DAPK3: variants seen among roughly 807,000 people sequenced by gnomAD.
DAPK3 encodes death-associated protein kinase 3.
DAPK3 carries 24 observed loss-of-function variants against 30.6 expected under a neutral mutation model. The ratio of observed to expected loss-of-function variants is 0.78; its 90% CI spans 0.57 to 1.10. DAPK3 has a LOEUF of 1.10. DAPK3 is among the 50% of genes least tolerant of loss of function. The pLI is 0.00. For missense variants in DAPK3, 629 were observed against 657.3 expected, an observed-to-expected ratio of 0.96 and a Z score of 0.47; for synonymous variants, 341 against 284.0, an observed-to-expected ratio of 1.20 and a Z score of -2.02.
At chr19:3,970,844 TG>T in intron 1 of DAPK3, 76 bp downstream of exon 1, 1 of 152,728 alleles carries the variant, frequency 6.5e-6, no homozygotes, top group Non-Finnish European at 1.5e-5. Context: ...CCAGCATCCC[TG>T]GGGCCGCTAC....
Position 3,961,146 on chromosome 19 carries a change from G to T in DAPK3, c.645C>A (p.Ser215=). The T allele has an allele frequency of 1.2e-6, 2 of 1,612,894 alleles. No individual in the cohort carries two copies. Among genetic ancestry groups the T allele is most frequent in the Non-Finnish European group, 1.7e-6 (2 of 1,179,676 alleles). ...CCTGCTTGGTCTCGCCCAGGAACGG[G>T]GATGCACCGCTCAGGCTGCGAGACA... The part of the protein sequence containing the change: ...VITYILLSGA[S]PFLGETKQET... The change falls in exon 7 of 9, where the codon TCC becomes TCA. Residue 215 remains serine, a synonymous_variant. Coordinates refer to ENST00000545797, the MANE Select transcript of DAPK3 (RefSeq NM_001348.3).
intron 1 of DAPK3, among the ~76,000 whole-genome samples, chr19:3,970,249 C>T (rs1374595963): frequency 6.6e-6 from 1 of 152,154 alleles, no homozygotes; most frequent in Admixed American, 6.6e-5. Flanking sequence ...GTTCTCAAGT[C>T]TACTTCTTTT....
chr19:3,960,068 G>A lies in DAPK3; in HGVS notation c.819C>T (p.Ser273=), dbSNP rs777697085. 1.9e-6 allele frequency: 3 copies of A among 1,562,972 alleles called. No individual in the cohort carries two copies. Among genetic ancestry groups the A allele is most frequent in the Non-Finnish European group, 2.6e-6 (3 of 1,133,842 alleles). The change falls in exon 8 of 9, where the codon TCC becomes TCT. Residue 273 remains serine, a synonymous_variant. Transcript: ENST00000545797. ...CCACCTCCCCACTTACCTTAATCCA[G>A]GAATGTTCCAGGCTCTGGGCAATGG... is the stretch of plus-strand genomic sequence containing the variant. ...RMTIAQSLEH[S]WIKAIRRRNV... is the part of the protein sequence containing the mutation.
In DAPK3 at chr19:3,959,566, C is replaced by T. The variant is rs1354633913; in HGVS notation, c.900G>A (p.Thr300=). ...ACTTGATGGTGTACTCCTTCAGACGCGTGGTCTTCAGGCGCCGCCGCTCGG... is the reference window on the plus strand; with the variant it reads ...ACTTGATGGTGTACTCCTTCAGACGTGTGGTCTTCAGGCGCCGCCGCTCGG... ...RKPERRRLKT[T]RLKEYTIKSH... Residue 300 remains threonine, a synonymous_variant, in exon 9 of 9, where the codon ACG becomes ACA. Coordinates refer to ENST00000545797, the MANE Select transcript of DAPK3 (RefSeq NM_001348.3). 2 of 1,582,878 alleles carry T rather than the reference C, an allele frequency of 1.3e-6. No individual in the cohort carries two copies. Among genetic ancestry groups the T allele is most frequent in the African/African-American group, 1.3e-5 (1 of 74,822 alleles).
chr19:3,961,439 C>T (rs767027646), intron 6 of DAPK3: 4 of 588,048 alleles, frequency 6.8e-6, no homozygotes, highest in South Asian at 1.4e-5. Flanking sequence ...ACGCAGAGCC[C>T]GAAAGCCCCC....
chr19:3,968,123 T>C (rs1444120723), intron 2 of DAPK3, among the ~76,000 whole-genome samples: 1 of 151,100 alleles, frequency 6.6e-6, no homozygotes, highest in Non-Finnish European at 1.5e-5. Flanking sequence ...CCGCCGCACC[T>C]GGCCCTGCCT....
chr19:3,966,648 G>A (rs2039580250), intron 2 of DAPK3, among the ~76,000 whole-genome samples: 1 of 152,234 alleles, frequency 6.6e-6, no homozygotes, highest in Non-Finnish European at 1.5e-5. Flanking sequence ...ATGCTGGAGT[G>A]GACTTCGGCC....
chr19:3,964,585 C>A lies in DAPK3; in HGVS notation c.423+46G>T, dbSNP rs759745092. 3.2e-6 allele frequency: 5 copies of A among 1,551,914 alleles called. No homozygotes were observed. In the East Asian group the frequency reaches 9.2e-5, roughly 28 times the overall value. On this transcript the variant is annotated intron_variant, in intron 3 of 8. Transcript: ENST00000545797. Reference sequence around the variant, plus strand: ...CAGGCTCTTCCCCGCCCCATCCCCACCCCCACACTGGCCAGGCCGGCCCCA... The same window carrying A: ...CAGGCTCTTCCCCGCCCCATCCCCAACCCCACACTGGCCAGGCCGGCCCCA...
Position 3,969,643 on chromosome 19 carries a change from TG to T in DAPK3, c.62+30del, listed in dbSNP as rs770314478. On this transcript the variant is annotated intron_variant, in intron 2 of 8. Transcript: ENST00000545797. ...CCCCACAGCGCCTCTCTCCTATCCC[TG>T]GAGCCCAGCCGTGCGGGCAGACAGC... 4 of 1,487,370 alleles carry T rather than the reference TG, an allele frequency of 2.7e-6. No individual in the cohort carries two copies. In the South Asian group the frequency reaches 4.5e-5, roughly 17 times the overall value. 92.1% of individuals were successfully genotyped at this position (1,487,370 alleles called of 1,614,324 possible).
intron 4 of DAPK3, 149 bp downstream of exon 4, chr19:3,964,095 C>T: frequency 1.2e-6 from 1 of 839,080 alleles, no homozygotes; most frequent in South Asian, 1.7e-5. Context: ...CAAATGGAGG[C>T]CCAGACCTCC....
Position 3,968,292 on chromosome 19 carries a change from C to T in DAPK3, c.62+1382G>A, listed in dbSNP as rs1223806407. ...GGTGAATCACCTGAGGTCAGTAGTT[C>T]GAGACCAGCCTGGCCAACATGGTGA... On this transcript the variant is annotated intron_variant, in intron 2 of 8. Coordinates refer to ENST00000545797, the MANE Select transcript of DAPK3 (RefSeq NM_001348.3). Among the ~76,000 whole-genome samples the T allele has an allele frequency of 2.0e-5, 3 of 152,256 alleles. No homozygotes were observed. The East Asian group carries it at 5.8e-4, about 30-fold the overall frequency.
rs770630430 is a variant in DAPK3 at position 3,958,781 on chromosome 19, C to T, written c.*320G>A. On this transcript the variant is annotated 3_prime_UTR_variant, in exon 9 of 9. Coordinates refer to ENST00000545797, the MANE Select transcript of DAPK3 (RefSeq NM_001348.3). ...TCCGGGCCTGAACCAGGGCTGCATTCGGGCCGCCTCTGCGCCTCGGTGGGT... is the reference window on the plus strand; with the variant it reads ...TCCGGGCCTGAACCAGGGCTGCATTTGGGCCGCCTCTGCGCCTCGGTGGGT... 2.6e-4 allele frequency: 134 copies of T among 525,218 alleles called. No individual in the cohort carries two copies. Among genetic ancestry groups the T allele is most frequent in the South Asian group, 9.1e-4 (45 of 49,700 alleles). 32.5% of individuals were successfully genotyped at this position (525,218 alleles called of 1,614,324 possible).
chr19:3,964,223 GCCC>G lies in DAPK3; in HGVS notation c.553+18_553+20del. 6.3e-7 allele frequency: 1 copy of G among 1,590,646 alleles called. No homozygotes were observed. Among genetic ancestry groups the G allele is most frequent in the Non-Finnish European group, 8.6e-7 (1 of 1,163,070 alleles). On this transcript the variant is annotated intron_variant, in intron 4 of 8. Transcript: ENST00000545797. ...AGACCACCCTCCCCAGGCCGGGGCT[GCCC>G]ACTGGGCAGGGCCTCACCCACAAAC... is the stretch of plus-strand genomic sequence containing the variant.
intron 6 of DAPK3, among the ~76,000 whole-genome samples, chr19:3,962,503 C>T (rs909023620): frequency 1.3e-5 from 2 of 152,170 alleles, no homozygotes; most frequent in African/African-American, 2.4e-5. Flanking sequence ...CAGCTGGGCA[C>T]GGTGGCTCAC....
chr19:3,965,089 C>T (rs757313619), intron 2 of DAPK3, 98 bp from the exon 3 acceptor site: 104 of 674,046 alleles, frequency 1.5e-4, no homozygotes, highest in Non-Finnish European at 2.0e-4. Context: ...CTCTTGGGCG[C>T]GGCCCTGCAC....
chr19:3,966,726 CCTGGTT>C (rs2145340279), intron 2 of DAPK3, among the ~76,000 whole-genome samples: 1 of 152,308 alleles, frequency 6.6e-6, no homozygotes, highest in East Asian at 1.9e-4. Context: ...ACCTGGACAA[CCTGGTT>C]CTGTAAACCA....
chr19:3,959,824 C>T, intron 8 of DAPK3, 187 bp from the exon 9 acceptor site: 1 of 716,852 alleles, frequency 1.4e-6, no homozygotes, highest in Admixed American at 2.9e-5. Flanking sequence ...GGCCCTGGCC[C>T]CAGGAGTCAG....
intron 7 of DAPK3, among the ~76,000 whole-genome samples, chr19:3,960,375 C>T (rs930753131): frequency 2.6e-5 from 4 of 152,060 alleles, no homozygotes; most frequent in Admixed American, 2.0e-4. Context: ...CGAGTGAGGG[C>T]TCAGCACTGC....
chr19:3,966,772 A>G (rs569646929), intron 2 of DAPK3, among the ~76,000 whole-genome samples: 52 of 152,322 alleles, frequency 3.4e-4, no homozygotes, highest in South Asian at 2.3e-3. Context: ...ATTGCCAACC[A>G]GATTTCAGGT....
Sources: gnomAD v4.1 joint callset for allele counts (sites outside exome capture counted in the v4.1 genomes callset) on GRCh38, gnomAD v4.1.1 for gene constraint, MANE v1.5 for transcripts, NCBI Gene and HGNC (gene_info 2026-07-23, HGNC 2026-07-21) for gene names.